The following NBEA variants were observed in gnomAD, a reference collection of about 807,000 sequenced individuals.
NBEA encodes lysosomal-trafficking regulator 2.
A neutral mutation model predicts 343.4 loss-of-function variants in NBEA; 44 were observed. The ratio of observed to expected loss-of-function variants is 0.13; its 90% CI spans 0.10 to 0.16. NBEA has a LOEUF of 0.16. NBEA is among the 10% of genes least tolerant of loss of function. NBEA has a pLI of 1.00. For synonymous variants in NBEA, 1,175 were observed against 1,238.7 expected, an observed-to-expected ratio of 0.95 and a Z score of 1.08; for missense variants, 2,555 against 3,631.3, an observed-to-expected ratio of 0.70 and a Z score of 7.62.
At chr13:35,478,358 G>A (rs539368025) in intron 41 of NBEA, among the ~76,000 whole-genome samples, 6 of 152,248 alleles carry the variant, frequency 3.9e-5, no homozygotes, top group African/African-American at 1.4e-4. Flanking sequence ...CCACTTTGCC[G>A]TCATCGCGGG....
At chr13:35,153,921 C>T (rs1593531027) in intron 18 of NBEA, among the ~76,000 whole-genome samples, 2 of 152,140 alleles carry the variant, frequency 1.3e-5, no homozygotes, top group Non-Finnish European at 2.9e-5. Flanking sequence ...ACTACTTATA[C>T]GTATATACCA....
intron 11 of NBEA, among the ~76,000 whole-genome samples, chr13:35,106,817 C>A (rs2065940736): frequency 6.6e-6 from 1 of 151,456 alleles, no homozygotes; most frequent in Non-Finnish European, 1.5e-5. Flanking sequence ...TTCTAGTATA[C>A]CTTTTAATAT....
intron 1 of NBEA, among the ~76,000 whole-genome samples, chr13:35,016,729 C>A (rs370870155): frequency 2.6e-5 from 4 of 151,970 alleles, no homozygotes; most frequent in Non-Finnish European, 5.9e-5. Context: ...TGGAGACATA[C>A]GGTATTTTAG....
In NBEA at chr13:35,159,444, G is replaced by A. The variant is rs952937610; in HGVS notation, c.3273G>A (p.Glu1091=). The A allele has an allele frequency of 6.2e-7, 1 of 1,613,356 alleles. No homozygotes were observed. The highest frequency in any genetic ancestry group is 1.3e-5 in the African/African-American group (1 of 74,968). Residue 1091 remains glutamate, a synonymous_variant, in exon 22 of 59, where the codon GAG becomes GAA. Transcript: ENST00000379939. The part of the protein sequence containing the change: ...LVGGENGALV[E]VESLLDNVYS... ...GTGGAGAGAATGGTGCCCTTGTGGA[G>A]GTTGAATCTCTGTTGGATAATGTAT...
chr13:35,041,460 G>A (rs1246835340), intron 2 of NBEA, among the ~76,000 whole-genome samples: 17 of 151,960 alleles, frequency 1.1e-4, no homozygotes, highest in Non-Finnish European at 1.9e-4. Flanking sequence ...TTTTTATGTA[G>A]TATTTCATTA....
intron 34 of NBEA, among the ~76,000 whole-genome samples, chr13:35,254,840 A>C (rs2032405149): frequency 6.6e-6 from 1 of 152,098 alleles, no homozygotes; most frequent in South Asian, 2.1e-4. Flanking sequence ...ATTGGTAAGA[A>C]TAAATCTATG....
intron 18 of NBEA, among the ~76,000 whole-genome samples, chr13:35,150,973 C>T (rs986334768): frequency 2.0e-5 from 3 of 151,680 alleles, no homozygotes; most frequent in African/African-American, 7.3e-5. Flanking sequence ...AAAGATTTAG[C>T]CAAGTGTGGT....
chr13:35,353,038 A>G (rs2040276305), intron 38 of NBEA, among the ~76,000 whole-genome samples: 2 of 152,112 alleles, frequency 1.3e-5, no homozygotes, highest in Non-Finnish European at 2.9e-5. Context: ...TGACCCCACT[A>G]AATGTTTTTA....
At chr13:35,024,349 T>C (rs988495922) in intron 1 of NBEA, among the ~76,000 whole-genome samples, 40 of 152,142 alleles carry the variant, frequency 2.6e-4, no homozygotes, top group Non-Finnish European at 5.3e-4. Context: ...CCTTTTGATG[T>C]ATACCCAGTA....
chr13:35,097,081 C>G (rs944913210), intron 10 of NBEA, among the ~76,000 whole-genome samples: 1 of 151,732 alleles, frequency 6.6e-6, no homozygotes, highest in Non-Finnish European at 1.5e-5. Context: ...ATTCATTAAA[C>G]TATGAATTTT....
At position 35,159,877 on chromosome 13, in the gene NBEA, G is replaced by C. The variant is rs1022764597; in HGVS notation, c.3706G>C (p.Glu1236Gln). The C allele has an allele frequency of 6.2e-7, 1 of 1,603,098 alleles. No homozygotes were observed. The highest frequency in any genetic ancestry group is 8.5e-7 in the Non-Finnish European group (1 of 1,174,304). ...ATCAACTAAGGGGCTGGAGTATGCT[G>C]AAATGACTGCTACAACTCTGGAAAC... ...ASSTKGLEYAEMTATTLETES... is the reference protein window; with the variant it reads ...ASSTKGLEYAQMTATTLETES... The change falls in exon 22 of 59, where the codon GAA becomes CAA. Residue 1236 changes from glutamate (E) to glutamine (Q), a missense_variant. By Grantham distance (29) the Glu-to-Gln change is conservative. Coordinates refer to ENST00000379939, the MANE Select transcript of NBEA (RefSeq NM_001385012.1).
intron 34 of NBEA, among the ~76,000 whole-genome samples, chr13:35,243,640 A>G (rs2030703755): frequency 6.6e-6 from 1 of 151,914 alleles, no homozygotes; most frequent in Non-Finnish European, 1.5e-5. Context: ...TAAGCTTTTG[A>G]AACTGTTAAA....
At position 35,002,972 on chromosome 13, in the gene NBEA, G is replaced by A. The variant is rs568982619; in HGVS notation, c.295-37961G>A. 2.6e-5 allele frequency among the ~76,000 whole-genome samples: 4 copies of A among 152,212 alleles called. No homozygotes were observed. The South Asian group carries it at 8.3e-4, about 32-fold the overall frequency. On this transcript the variant is annotated intron_variant, in intron 1 of 58. Transcript: ENST00000379939. ...TGGTTGTGCAAGGTACATACCGTAA[G>A]CCAACAAATAAAACCTCAGTAAATT...
intron 17 of NBEA, among the ~76,000 whole-genome samples, chr13:35,135,133 A>C (rs1398432681): frequency 6.6e-6 from 1 of 152,084 alleles, no homozygotes; most frequent in Non-Finnish European, 1.5e-5. Flanking sequence ...CTTCACTAGT[A>C]ATCACCAACA....
At chr13:35,048,957 T>G (rs753412147) in intron 5 of NBEA, among the ~76,000 whole-genome samples, 2 of 151,894 alleles carry the variant, frequency 1.3e-5, no homozygotes, top group Non-Finnish European at 2.9e-5. Context: ...TCTCCTTCAA[T>G]GTATATCAGT....
chr13:35,291,980 T>A (rs1030643500), intron 35 of NBEA, among the ~76,000 whole-genome samples: 2 of 152,038 alleles, frequency 1.3e-5, no homozygotes, highest in African/African-American at 4.8e-5. Flanking sequence ...TTTAAATATT[T>A]TAAGTGTTTA....
At chr13:35,463,350 C>T (rs755227560) in intron 40 of NBEA, among the ~76,000 whole-genome samples, 3 of 152,102 alleles carry the variant, frequency 2.0e-5, no homozygotes, top group East Asian at 1.9e-4. Flanking sequence ...AGGCCAGGTG[C>T]GGTGGCTCAT....
chr13:35,423,214 T>G (rs1005459473), intron 38 of NBEA, among the ~76,000 whole-genome samples: 26 of 152,118 alleles, frequency 1.7e-4, no homozygotes, highest in Non-Finnish European at 2.6e-4. Context: ...TAGACATGAA[T>G]TCCTTGCCCA....
At chr13:35,470,276 T>C (rs1054388863) in intron 40 of NBEA, among the ~76,000 whole-genome samples, 1 of 152,042 alleles carries the variant, frequency 6.6e-6, no homozygotes, top group Non-Finnish European at 1.5e-5. Flanking sequence ...CACAGAGAAG[T>C]AGAGAAGATA....
Sources: allele counts gnomAD v4.1 joint callset (sites outside exome capture counted in the v4.1 genomes callset), GRCh38; gene constraint gnomAD v4.1.1; transcripts MANE v1.5; gene names NCBI Gene and HGNC (gene_info 2026-07-23, HGNC 2026-07-21).